PDE1C: variants seen among roughly 807,000 people sequenced by gnomAD.
The protein encoded by PDE1C is dual specificity calcium/calmodulin-dependent 3',5'-cyclic nucleotide phosphodiesterase 1C.
In PDE1C, 62 loss-of-function variants were observed where a neutral mutation model predicts 93.1. The observed-to-expected ratio is 0.67, with a 90% confidence interval of 0.54 to 0.82. The LOEUF (loss-of-function observed/expected upper bound fraction) is 0.82. Ranked by LOEUF, PDE1C falls within the 40% of genes least tolerant of loss-of-function variation. PDE1C has a pLI of 0.00. For synonymous variants in PDE1C, 325 were observed against 310.1 expected, an observed-to-expected ratio of 1.05 and a Z score of -0.50; for missense variants, 742 against 884.6, an observed-to-expected ratio of 0.84 and a Z score of 2.04.
intron 2 of PDE1C, among the ~76,000 whole-genome samples, chr7:31,899,471 G>C (rs550106444): frequency 6.6e-6 from 1 of 152,182 alleles, no homozygotes; most frequent in East Asian, 1.9e-4. Flanking sequence ...ACTCAGTCTT[G>C]CCTATAGGTC....
At chr7:31,886,295 TAA>T (rs905410974) in intron 2 of PDE1C, among the ~76,000 whole-genome samples, 5 of 152,198 alleles carry the variant, frequency 3.3e-5, no homozygotes, top group African/African-American at 1.2e-4. Context: ...GGAAATAACT[TAA>T]AACAACTCTT....
chr7:31,796,058 T>C (rs1324655668), intron 16 of PDE1C, among the ~76,000 whole-genome samples: 2 of 151,098 alleles, frequency 1.3e-5, no homozygotes, highest in African/African-American at 2.4e-5. Flanking sequence ...CCTCCACTTA[T>C]TGACTTTTTG....
At chr7:31,846,628 TGG>T (rs1248468071) in intron 9 of PDE1C, among the ~76,000 whole-genome samples, 7 of 152,104 alleles carry the variant, frequency 4.6e-5, no homozygotes, top group Non-Finnish European at 8.8e-5. Context: ...AATTGACAAA[TGG>T]GATGTAATTA....
At chr7:32,186,458 C>T (rs1250757323) in intron 2 of PDE1C, among the ~76,000 whole-genome samples, 5 of 152,224 alleles carry the variant, frequency 3.3e-5, no homozygotes, top group South Asian at 4.2e-4. Flanking sequence ...ACATGTCACC[C>T]GTTTGACATG....
chr7:31,920,089 A>G (rs1346889422), intron 2 of PDE1C, among the ~76,000 whole-genome samples: 4 of 152,130 alleles, frequency 2.6e-5, no homozygotes, highest in Admixed American at 6.5e-5. Context: ...CCTGACCTGG[A>G]GATCAACCAA....
In PDE1C at chr7:32,407,249, TG is replaced by T. The variant is rs1321923482; in HGVS notation, c.310+20572del. Among the ~76,000 whole-genome samples the T allele has an allele frequency of 4.6e-5, 7 of 152,272 alleles. No individual in the cohort carries two copies. In the East Asian group the frequency reaches 1.4e-3, roughly 29 times the overall value. On this transcript the variant is annotated intron_variant, in intron 1 of 1. Coordinates refer to the PDE1C transcript ENST00000672256. ...GAGATCATGCCGCTGCAGTCCAGCCTGGGTGACAGAGCAAGACTCAGTCCCA... is the reference window on the plus strand; with the variant it reads ...GAGATCATGCCGCTGCAGTCCAGCCTGGTGACAGAGCAAGACTCAGTCCCA...
chr7:31,974,534 G>A (rs532652568), intron 2 of PDE1C, among the ~76,000 whole-genome samples: 3 of 152,090 alleles, frequency 2.0e-5, no homozygotes, highest in Non-Finnish European at 2.9e-5. Flanking sequence ...TGATGGCACT[G>A]TCTTTGAATG....
chr7:32,366,490 A>G (rs1485175919), intron 1 of PDE1C, among the ~76,000 whole-genome samples: 1 of 152,178 alleles, frequency 6.6e-6, no homozygotes, highest in Non-Finnish European at 1.5e-5. Flanking sequence ...AAAAAGATAT[A>G]GGGAATATAT....
intron 2 of PDE1C, chr7:31,941,277 T>TCACCAA (rs1217326054): frequency 1.9e-5 from 3 of 157,822 alleles, no homozygotes; most frequent in African/African-American, 7.2e-5. Flanking sequence ...AGGGACCTGT[T>TCACCAA]CACCAACACT....
chr7:31,955,703 C>A (rs766506776), intron 2 of PDE1C, among the ~76,000 whole-genome samples: 2 of 152,178 alleles, frequency 1.3e-5, no homozygotes, highest in Admixed American at 6.5e-5. Context: ...TCCTACCCAA[C>A]TATCTCATTT....
chr7:32,274,221 T>A (rs1811145428), intron 1 of PDE1C, among the ~76,000 whole-genome samples: 1 of 151,746 alleles, frequency 6.6e-6, no homozygotes. Flanking sequence ...TTTTTTTTTT[T>A]TTTTGAGACG....
chr7:32,219,819 T>A (rs1345016889), intron 1 of PDE1C, among the ~76,000 whole-genome samples: 1 of 152,172 alleles, frequency 6.6e-6, no homozygotes, highest in African/African-American at 2.4e-5. Flanking sequence ...ATTGATATGG[T>A]TTGGCTGTGT....
At chr7:31,852,816 AT>A (rs1160008770) in intron 7 of PDE1C, among the ~76,000 whole-genome samples, 1 of 151,546 alleles carries the variant, frequency 6.6e-6, no homozygotes, top group African/African-American at 2.4e-5. Flanking sequence ...TATATTGCAC[AT>A]TTTTCTTGAT....
At chr7:32,066,806 A>T (rs1445405542) in intron 1 of PDE1C, among the ~76,000 whole-genome samples, 6 of 152,228 alleles carry the variant, frequency 3.9e-5, no homozygotes, top group African/African-American at 1.4e-4. Context: ...GAGAAAAGAG[A>T]TATGACAACA....
chr7:31,926,639 C>A (rs575027033), intron 2 of PDE1C, among the ~76,000 whole-genome samples: 2 of 152,244 alleles, frequency 1.3e-5, no homozygotes, highest in East Asian at 3.9e-4. Context: ...CCATAGTGGG[C>A]CAGCAGAAGC....
At chr7:32,223,304 G>A (rs1428614046) in intron 1 of PDE1C, among the ~76,000 whole-genome samples, 4 of 152,232 alleles carry the variant, frequency 2.6e-5, no homozygotes, top group African/African-American at 4.8e-5. Context: ...ACCGTTCCAC[G>A]TGCACTTACA....
the PDE1C span, among the ~76,000 whole-genome samples, chr7:31,703,190 G>C: frequency 6.6e-6 from 1 of 152,222 alleles, no homozygotes; most frequent in Non-Finnish European, 1.5e-5. Context: ...ACAAATGTTA[G>C]TTCCTTCCAT....
intron 14 of PDE1C, among the ~76,000 whole-genome samples, chr7:31,817,358 G>C (rs1341086575): frequency 1.3e-5 from 2 of 152,154 alleles, no homozygotes. Context: ...TATGCTCAAA[G>C]AACATTGAGT....
chr7:31,785,099 C>T (rs1261153393), intron 16 of PDE1C: 1 of 152,140 alleles, frequency 6.6e-6, no homozygotes, highest in African/African-American at 2.4e-5. Context: ...ATGAATTACC[C>T]TGCACCATAA....
Sources: gnomAD v4.1 joint callset for allele counts (sites outside exome capture counted in the v4.1 genomes callset) on GRCh38, gnomAD v4.1.1 for gene constraint, MANE v1.5 for transcripts, NCBI Gene and HGNC (gene_info 2026-07-23, HGNC 2026-07-21) for gene names.